The following USP17L7 variants were observed in gnomAD, a reference collection of about 807,000 sequenced individuals.
USP17L7 encodes ubiquitin specific peptidase 17 like family member 7.
A neutral mutation model predicts 37.6 loss-of-function variants in USP17L7; 53 were observed. That is an observed-to-expected ratio of 1.41 (90% CI 1.13 to 1.77). The LOEUF (loss-of-function observed/expected upper bound fraction) is 1.77. Ranked by LOEUF, USP17L7 falls within the 40% of genes most tolerant of loss-of-function variation. The pLI is 0.00. For missense variants in USP17L7, 914 were observed against 645.0 expected, an observed-to-expected ratio of 1.42 and a Z score of -4.52; for synonymous variants, 330 against 251.0, an observed-to-expected ratio of 1.31 and a Z score of -2.98.
At position 12,133,289 on chromosome 8, in the gene USP17L7, C is replaced by A. The variant is rs768875169; in HGVS notation, c.721G>T (p.Val241Leu). The A allele has an allele frequency of 4.3e-5, 65 of 1,516,938 alleles. 1 individual carries two copies. Among genetic ancestry groups the A allele is most frequent in the Non-Finnish European group, 5.4e-5 (61 of 1,120,568 alleles). The allele number at this position is 1,516,938 out of a possible 1,614,324, so 94.0% of individuals were successfully genotyped here. A position where few individuals can be genotyped will look rare whatever the true frequency, so the allele number is the denominator to read the frequency against. The part of the protein sequence containing the change: ...QSVKQALEQL[V>L]KPKELNGENA... ...TCTCCATTGAGTTCTTTGGGCTTCA[C>A]CAACTGTTCCAAAGCTTGCTTGACA... is the stretch of plus-strand genomic sequence containing the variant. Residue 241 changes from valine to leucine, a missense_variant, in exon 1 of 1, where the codon GTG (valine) becomes TTG (leucine). By Grantham distance (32) the Val-to-Leu change is conservative. Coordinates refer to ENST00000530447, the MANE Select transcript of USP17L7 (RefSeq NM_001256869.2).
chr8:12,133,825 A>T lies in USP17L7; in HGVS notation c.185T>A (p.Leu62His). 6.5e-7 allele frequency: 1 copy of T among 1,529,942 alleles called. No individual in the cohort carries two copies. Among genetic ancestry groups the T allele is most frequent in the Non-Finnish European group, 8.9e-7 (1 of 1,127,584 alleles). The allele number at this position is 1,529,942 out of a possible 1,614,324, so 94.8% of individuals were successfully genotyped here. ...CAGAGGAAGCTTCTCCCTGGGAGCA[A>T]GCTGTCTTGCCACAGGAGCCAAATC... ...CDDLAPVARQ[L>H]APREKLPLSS... The change falls in exon 1 of 1, where the codon CTT becomes CAT. Residue 62 changes from leucine to histidine, a missense_variant. Physicochemically the swap from Leu to His is moderately conservative, Grantham distance 99 (BLOSUM62 -3). Transcript: ENST00000530447.
rs746062640 is a variant in USP17L7, at chr8:12,133,952, G to C, written c.58C>G (p.Leu20Val). 80 of 1,312,800 alleles carry C rather than the reference G, an allele frequency of 6.1e-5. 4 individuals are homozygous for C. Among genetic ancestry groups the C allele is most frequent in the Non-Finnish European group, 8.1e-5 (76 of 933,428 alleles). The allele number at this position is 1,312,800 out of a possible 1,614,324, so 81.3% of individuals were successfully genotyped here. The change falls in exon 1 of 1, where the codon CTC becomes GTC. Residue 20 changes from leucine (L) to valine (V), a missense_variant. Physicochemically the swap from Leu to Val is conservative, Grantham distance 32 (BLOSUM62 1). Transcript: ENST00000530447. Reference sequence around the variant, plus strand: ...GCTGCATCTAGCCGAGAAGATGTGAGTTTTGAAAAGTGATTGAACTGCCAG... The same window carrying C: ...GCTGCATCTAGCCGAGAAGATGTGACTTTTGAAAAGTGATTGAACTGCCAG... ...GDWQFNHFSK[L>V]TSSRLDAAFA...
Position 12,133,348 on chromosome 8 carries a change from A to G in USP17L7, c.662T>C (p.Leu221Pro). 1 of 1,492,294 alleles carries G rather than the reference A, an allele frequency of 6.7e-7. No individual in the cohort carries two copies. The highest frequency in any genetic ancestry group is 9.1e-7 in the Non-Finnish European group (1 of 1,100,094). The allele number at this position is 1,492,294 out of a possible 1,614,324, so 92.4% of individuals were successfully genotyped here. ...TGCCTGGATATCCAGGGCGATGTCC[A>G]GGTAAGGGTCAAAGGTGTCTGAAAC... ...HGVSDTFDPYLDIALDIQAAQ... is the reference protein window; with the variant it reads ...HGVSDTFDPYPDIALDIQAAQ... The change falls in exon 1 of 1, where the codon CTG becomes CCG. Residue 221 changes from leucine to proline, a missense_variant. Physicochemically the swap from Leu to Pro is moderately conservative, Grantham distance 98. Coordinates refer to ENST00000530447, the MANE Select transcript of USP17L7 (RefSeq NM_001256869.2).
Position 12,133,409 on chromosome 8 carries a change from A to T in USP17L7, c.601T>A (p.Trp201Arg). Residue 201 changes from tryptophan to arginine, a missense_variant, in exon 1 of 1, where the codon TGG (tryptophan) becomes AGG (arginine). Coordinates refer to ENST00000530447, the MANE Select transcript of USP17L7 (RefSeq NM_001256869.2). The part of the protein sequence containing the change: ...TLIHQIFGAY[W>R]RSQIKYLHCH... ...TGGAGATACTTGATTTGAGATCTCC[A>T]ATACGCTCCAAATATTTGGTGGATG... The T allele has an allele frequency of 6.9e-7, 1 of 1,452,178 alleles. No individual in the cohort carries two copies. Among genetic ancestry groups the T allele is most frequent in the Non-Finnish European group, 9.4e-7 (1 of 1,064,452 alleles). The allele number at this position is 1,452,178 out of a possible 1,614,324, so 90.0% of individuals were successfully genotyped here.
In USP17L7 at chr8:12,132,984, T is replaced by C; in HGVS notation, c.1026A>G (p.Gln342=). 6.5e-7 allele frequency: 1 copy of C among 1,533,180 alleles called. No individual in the cohort carries two copies. The highest frequency in any genetic ancestry group is 8.9e-7 in the Non-Finnish European group (1 of 1,128,668). 95.0% of individuals were successfully genotyped at this position (1,533,180 alleles called of 1,614,324 possible). A position where few individuals can be genotyped will look rare whatever the true frequency, so the allele number is the denominator to read the frequency against. Reference sequence around the variant, plus strand: ...CATCCATTTTATACCACTGGCCTTCTTGAGCTTTGACATAAGAGAAGTAAT... The same window carrying C: ...CATCCATTTTATACCACTGGCCTTCCTGAGCTTTGACATAAGAGAAGTAAT... ...NGHYFSYVKA[Q]EGQWYKMDDA... Residue 342 remains glutamine (Q), a synonymous_variant, in exon 1 of 1, where the codon CAA becomes CAG. Coordinates refer to ENST00000530447, the MANE Select transcript of USP17L7 (RefSeq NM_001256869.2).
Position 12,133,800 on chromosome 8 carries a change from C to A in USP17L7, c.210G>T (p.Leu70=). 4 of 1,518,090 alleles carry A rather than the reference C, an allele frequency of 2.6e-6. No individual in the cohort carries two copies. Among genetic ancestry groups the A allele is most frequent in the Non-Finnish European group, 3.6e-6 (4 of 1,117,034 alleles). The allele number at this position is 1,518,090 out of a possible 1,614,324, so 94.0% of individuals were successfully genotyped here. A position where few individuals can be genotyped will look rare whatever the true frequency, so the allele number is the denominator to read the frequency against. The change falls in exon 1 of 1, where the codon CTG becomes CTT. Residue 70 remains leucine, a synonymous_variant. Coordinates refer to ENST00000530447, the MANE Select transcript of USP17L7 (RefSeq NM_001256869.2). Reference sequence around the variant, plus strand: ...CCACCGCAGCAGGTCTCCTGCTACTCAGAGGAAGCTTCTCCCTGGGAGCAA... The same window carrying A: ...CCACCGCAGCAGGTCTCCTGCTACTAAGAGGAAGCTTCTCCCTGGGAGCAA... ...RQLAPREKLP[L]SSRRPAAVGA...
Position 12,132,635 on chromosome 8 carries a change from G to C in USP17L7, c.1375C>G (p.Leu459Val), listed in dbSNP as rs752110423. Residue 459 changes from leucine to valine, a missense_variant, in exon 1 of 1, where the codon CTG becomes GTG. Leu to Val is a conservative substitution (Grantham distance 32). Coordinates refer to ENST00000530447, the MANE Select transcript of USP17L7 (RefSeq NM_001256869.2). ...EFNVRKVEGT[L>V]PPNVLVIHQS... ...TGAATCACAAGTACGTTGGGAGGCA[G>C]GGTACCTTCAACTTTTCTGACGTTG... 1 of 1,536,182 alleles carries C rather than the reference G, an allele frequency of 6.5e-7. No individual in the cohort carries two copies. Among genetic ancestry groups the C allele is most frequent in the Admixed American group, 1.7e-5 (1 of 57,302 alleles).
At position 12,133,677 on chromosome 8, in the gene USP17L7, C is replaced by T. The variant is rs1349933552; in HGVS notation, c.333G>A (p.Arg111=). The T allele has an allele frequency of 1.6e-6, 2 of 1,252,984 alleles. No homozygotes were observed. Among genetic ancestry groups the T allele is most frequent in the South Asian group, 2.7e-5 (2 of 74,370 alleles). 77.6% of individuals were successfully genotyped at this position (1,252,984 alleles called of 1,614,324 possible). A position where few individuals can be genotyped will look rare whatever the true frequency, so the allele number is the denominator to read the frequency against. The stretch of plus-strand genomic sequence containing the variant: ...GAAGATGACACGTTTGAGAGTCCTC[C>T]CGGGACAGCATGTAGTTGGAAAGCG... The part of the protein sequence containing the change: ...TLPLSNYMLS[R]EDSQTCHLHK... Residue 111 remains arginine (R), a synonymous_variant, in exon 1 of 1, where the codon CGG becomes CGA. Coordinates refer to ENST00000530447, the MANE Select transcript of USP17L7 (RefSeq NM_001256869.2).
rs754950385 is a variant in USP17L7 at position 12,133,539 on chromosome 8, C to G, written c.471G>C (p.Glu157Asp). The G allele has an allele frequency of 1.4e-6, 2 of 1,443,232 alleles. No homozygotes were observed. Among genetic ancestry groups the G allele is most frequent in the South Asian group, 2.5e-5 (2 of 78,764 alleles). The allele number at this position is 1,443,232 out of a possible 1,614,324, so 89.4% of individuals were successfully genotyped here. A position where few individuals can be genotyped will look rare whatever the true frequency, so the allele number is the denominator to read the frequency against. The change falls in exon 1 of 1, where the codon GAG becomes GAC. Residue 157 changes from glutamate to aspartate, a missense_variant. Coordinates refer to ENST00000530447, the MANE Select transcript of USP17L7 (RefSeq NM_001256869.2). The part of the protein sequence containing the change: ...QVLAAGFHRG[E>D]QEDAHEFLMF... The stretch of plus-strand genomic sequence containing the variant: ...TGAGAAATTCATGGGCATCCTCCTG[C>G]TCACCTCTATGGAAGCCAGCAGCCA...
In USP17L7 at chr8:12,133,063, A is replaced by C; in HGVS notation, c.947T>G (p.Val316Gly). 1 of 1,506,292 alleles carries C rather than the reference A, an allele frequency of 6.6e-7. No individual in the cohort carries two copies. The highest frequency in any genetic ancestry group is 9.0e-7 in the Non-Finnish European group (1 of 1,105,848). The allele number at this position is 1,506,292 out of a possible 1,614,324, so 93.3% of individuals were successfully genotyped here. ...YMSQQNTGPL[V>G]YVLYAVLVHA... Reference sequence around the variant, plus strand: ...GACCAGCACAGCATAGAGGACATAGACAAGAGGTCCTGTGTTCTGCTGAGA... The same window carrying C: ...GACCAGCACAGCATAGAGGACATAGCCAAGAGGTCCTGTGTTCTGCTGAGA... Residue 316 changes from valine to glycine, a missense_variant, in exon 1 of 1, where the codon GTC becomes GGC. Coordinates refer to ENST00000530447, the MANE Select transcript of USP17L7 (RefSeq NM_001256869.2).
Position 12,133,416 on chromosome 8 carries a change from T to C in USP17L7, c.594A>G (p.Gly198=). 6.9e-7 allele frequency: 1 copy of C among 1,454,158 alleles called. No individual in the cohort carries two copies. Among genetic ancestry groups the C allele is most frequent in the Non-Finnish European group, 9.4e-7 (1 of 1,066,036 alleles). 90.1% of individuals were successfully genotyped at this position (1,454,158 alleles called of 1,614,324 possible). Residue 198 remains glycine, a synonymous_variant, in exon 1 of 1, where the codon GGA becomes GGG. Coordinates refer to ENST00000530447, the MANE Select transcript of USP17L7 (RefSeq NM_001256869.2). The part of the protein sequence containing the change: ...KDTTLIHQIF[G]AYWRSQIKYL... The stretch of plus-strand genomic sequence containing the variant: ...ACTTGATTTGAGATCTCCAATACGC[T>C]CCAAATATTTGGTGGATGAGGGTGG...
rs1210849585 is a variant in USP17L7 at position 12,134,000 on chromosome 8, C to G, written c.10G>C (p.Asp4His). 4 of 1,053,864 alleles carry G rather than the reference C, an allele frequency of 3.8e-6. No individual in the cohort carries two copies. The African/African-American group carries it at 4.7e-5, about 12-fold the overall frequency. The allele number at this position is 1,053,864 out of a possible 1,614,324, so 65.3% of individuals were successfully genotyped here. Residue 4 changes from aspartate to histidine, a missense_variant, in exon 1 of 1, where the codon GAC becomes CAC. Physicochemically the swap from Asp to His is moderately conservative, Grantham distance 81. Coordinates refer to ENST00000530447, the MANE Select transcript of USP17L7 (RefSeq NM_001256869.2). ...CAGTCACCTCCCAAATAGAGTGAGT[C>G]GTCTTCCATGTCGCCCGCAACAAGG... MED[D>H]SLYLGGDWQF...
In USP17L7 at chr8:12,133,607, C is replaced by A. The variant is rs755706782; in HGVS notation, c.403G>T (p.Ala135Ser). The change falls in exon 1 of 1, where the codon GCC (alanine) becomes TCC (serine). Residue 135 changes from alanine (A) to serine (S), a missense_variant. Ala to Ser is a moderately conservative substitution (Grantham distance 99, BLOSUM62 1). Transcript: ENST00000530447. ...ATGACATGGCCAGGACTGTGGAGGG[C>A]CCATGTGATGTGAGCTTGCATAGTA... ...FCTMQAHITW[A>S]LHSPGHVIQP... The A allele has an allele frequency of 7.1e-5, 89 of 1,259,324 alleles. 3 individuals carry two copies. The highest frequency in any genetic ancestry group is 1.0e-4 in the Non-Finnish European group (89 of 882,904). The allele number at this position is 1,259,324 out of a possible 1,614,324, so 78.0% of individuals were successfully genotyped here.
In USP17L7 at chr8:12,133,841, G is replaced by A. The variant is rs773257019; in HGVS notation, c.169C>T (p.Pro57Ser). 4.6e-6 allele frequency: 7 copies of A among 1,528,990 alleles called. 2 individuals carry two copies. In the East Asian group the frequency reaches 1.5e-4, roughly 34 times the overall value. The allele number at this position is 1,528,990 out of a possible 1,614,324, so 94.7% of individuals were successfully genotyped here. ...TRFDLCDDLAPVARQLAPREK... is the reference protein window; with the variant it reads ...TRFDLCDDLASVARQLAPREK... ...CTGGGAGCAAGCTGTCTTGCCACAG[G>A]AGCCAAATCATCACAGAGGTCGAAA... Residue 57 changes from proline to serine, a missense_variant, in exon 1 of 1, where the codon CCT becomes TCT. Coordinates refer to ENST00000530447, the MANE Select transcript of USP17L7 (RefSeq NM_001256869.2).
Position 12,133,576 on chromosome 8 carries a change from G to C in USP17L7, c.434C>G (p.Pro145Arg). ...GAAGCCAGCAGCCAATACCTGTGAG[G>C]GCTGGATGACATGGCCAGGACTGTG... ...ALHSPGHVIQ[P>R]SQVLAAGFHR... The change falls in exon 1 of 1, where the codon CCC becomes CGC. Residue 145 changes from proline to arginine, a missense_variant. Physicochemically the swap from Pro to Arg is moderately radical, Grantham distance 103 (BLOSUM62 -2). Coordinates refer to ENST00000530447, the MANE Select transcript of USP17L7 (RefSeq NM_001256869.2). The C allele has an allele frequency of 7.3e-7, 1 of 1,366,308 alleles. No homozygotes were observed. Among genetic ancestry groups the C allele is most frequent in the Non-Finnish European group, 1.0e-6 (1 of 980,684 alleles). 84.6% of individuals were successfully genotyped at this position (1,366,308 alleles called of 1,614,324 possible).
At position 12,133,768 on chromosome 8, in the gene USP17L7, C is replaced by A. The variant is rs781413515; in HGVS notation, c.242G>T (p.Gly81Val). 6 of 1,479,938 alleles carry A rather than the reference C, an allele frequency of 4.1e-6. No homozygotes were observed. Among genetic ancestry groups the A allele is most frequent in the Non-Finnish European group, 5.5e-6 (6 of 1,082,972 alleles). The allele number at this position is 1,479,938 out of a possible 1,614,324, so 91.7% of individuals were successfully genotyped here. ...GAAGGTATTTCCTATCTTCTGGAGC[C>A]CAGCCCCCACCGCAGCAGGTCTCCT... is the stretch of plus-strand genomic sequence containing the variant. Reference protein sequence around the residue: ...SSRRPAAVGAGLQKIGNTFYV... With the variant: ...SSRRPAAVGAVLQKIGNTFYV... Residue 81 changes from glycine (G) to valine (V), a missense_variant, in exon 1 of 1, where the codon GGG (glycine) becomes GTG (valine). Physicochemically the swap from Gly to Val is moderately radical, Grantham distance 109. Transcript: ENST00000530447.
chr8:12,132,808 C>A lies in USP17L7; in HGVS notation c.1202G>T (p.Arg401Met), dbSNP rs1218028689. Reference protein sequence around the residue: ...PRALGAEDTDRPATQGELKRD... With the variant: ...PRALGAEDTDMPATQGELKRD... ...CTTGAGCTCTCCTTGCGTTGCTGGC[C>A]TGTCTGTGTCTTCAGCACCAAGGGC... Residue 401 changes from arginine (R) to methionine (M), a missense_variant, in exon 1 of 1, where the codon AGG becomes ATG. By Grantham distance (91) the Arg-to-Met change is moderately conservative. Coordinates refer to ENST00000530447, the MANE Select transcript of USP17L7 (RefSeq NM_001256869.2). 1 of 1,518,702 alleles carries A rather than the reference C, an allele frequency of 6.6e-7. No homozygotes were observed. The highest frequency in any genetic ancestry group is 1.4e-5 in the African/African-American group (1 of 71,674). The allele number at this position is 1,518,702 out of a possible 1,614,324, so 94.1% of individuals were successfully genotyped here.
chr8:12,133,464 C>T lies in USP17L7; in HGVS notation c.546G>A (p.Gln182=). Residue 182 remains glutamine, a synonymous_variant, in exon 1 of 1, where the codon CAG becomes CAA. Coordinates refer to ENST00000530447, the MANE Select transcript of USP17L7 (RefSeq NM_001256869.2). The part of the protein sequence containing the change: ...MKKACLPGHK[Q]LDHHSKDTTL... ...TGGTGTCCTTGGAGTGATGATCTAG[C>T]TGCTTGTGCCCGGGAAGGCATGCCT... The T allele has an allele frequency of 2.7e-6, 4 of 1,473,374 alleles. No homozygotes were observed. The highest frequency in any genetic ancestry group is 3.7e-6 in the Non-Finnish European group (4 of 1,081,282). The allele number at this position is 1,473,374 out of a possible 1,614,324, so 91.3% of individuals were successfully genotyped here. A position where few individuals can be genotyped will look rare whatever the true frequency, so the allele number is the denominator to read the frequency against.
rs368540113 is a variant in USP17L7, at chr8:12,134,080, G to T, written c.-71C>A. 1.2e-6 allele frequency: 1 copy of T among 808,904 alleles called. No homozygotes were observed. Among genetic ancestry groups the T allele is most frequent in the Non-Finnish European group, 2.1e-6 (1 of 478,558 alleles). 50.1% of individuals were successfully genotyped at this position (808,904 alleles called of 1,614,324 possible). ...GTTGCAGCAAGACGCTATCTCTTCCGAGAGAGTCTTCAAATGACCAGCTCT... is the reference window on the plus strand; with the variant it reads ...GTTGCAGCAAGACGCTATCTCTTCCTAGAGAGTCTTCAAATGACCAGCTCT... On this transcript the variant is annotated 5_prime_UTR_variant, in exon 1 of 1. Transcript: ENST00000530447.
Sources: gnomAD v4.1 joint callset for allele counts on GRCh38, gnomAD v4.1.1 for gene constraint, MANE v1.5 for transcripts, NCBI Gene and HGNC (gene_info 2026-07-23, HGNC 2026-07-21) for gene names.